IMMP2L: variants seen among roughly 807,000 people sequenced by gnomAD.
IMMP2L encodes the protein inner mitochondrial membrane peptidase subunit 2.
A neutral mutation model predicts 19.3 loss-of-function variants in IMMP2L; 18 were observed. That is an observed-to-expected ratio of 0.93 (90% confidence interval 0.64 to 1.38). The LOEUF is 1.38. Ranked by LOEUF, IMMP2L falls within the 40% of genes most tolerant of loss-of-function variation. The pLI is 0.00. For synonymous variants in IMMP2L, 76 were observed against 73.0 expected, an observed-to-expected ratio of 1.04 and a Z score of -0.21; for missense variants, 233 against 218.2, an observed-to-expected ratio of 1.07 and a Z score of -0.43.
Position 111,392,136 on chromosome 7 carries a change from C to G in IMMP2L, c.239+95102G>C, listed in dbSNP as rs11983667. On this transcript the variant is annotated intron_variant, in intron 3 of 5. Coordinates refer to ENST00000405709, the MANE Select transcript of IMMP2L (RefSeq NM_032549.4). ...GCGACCCAAGGAGGACCTCAGACAACAACATACTTTTAGCCCCAAAGTCAC... is the reference window on the plus strand; with the variant it reads ...GCGACCCAAGGAGGACCTCAGACAAGAACATACTTTTAGCCCCAAAGTCAC... 7.6e-3 allele frequency: 4,677 copies of G among 613,176 alleles called. 165 individuals are homozygous for G. In the African/African-American group the frequency reaches 0.077, roughly 10 times the overall value. The allele number at this position is 613,176 out of a possible 1,614,324, so 38.0% of individuals were successfully genotyped here. A position where few individuals can be genotyped will look rare whatever the true frequency, so the allele number is the denominator to read the frequency against.
At chr7:111,108,521 T>G (rs1234735098) in intron 3 of IMMP2L, among the ~76,000 whole-genome samples, 2 of 152,136 alleles carry the variant, frequency 1.3e-5, no homozygotes, top group Admixed American at 1.3e-4. Context: ...AAAAAAGATA[T>G]ACGAACAAAA....
Position 110,928,078 on chromosome 7 carries a change from C to T in IMMP2L, c.305+35422G>A, listed in dbSNP as rs1227126239. On this transcript the variant is annotated intron_variant, in intron 4 of 5. Coordinates refer to ENST00000405709, the MANE Select transcript of IMMP2L (RefSeq NM_032549.4). ...AAGATTAGCTAAAACAATATATATG[C>T]CATGAACTACCAGAACGAATGAAGT... Among the ~76,000 whole-genome samples the T allele has an allele frequency of 3.3e-5, 5 of 151,752 alleles. No homozygotes were observed. In the East Asian group the frequency reaches 7.7e-4, roughly 23 times the overall value.
chr7:111,487,589 T>C (rs1842761856), intron 2 of IMMP2L, among the ~76,000 whole-genome samples: 1 of 152,152 alleles, frequency 6.6e-6, no homozygotes, highest in African/African-American at 2.4e-5. Context: ...GACATTAAAA[T>C]CTTTAGTAAA....
intron 3 of IMMP2L, among the ~76,000 whole-genome samples, chr7:111,016,812 TATATTA>T (rs1563162986): frequency 0.087 from 7,385 of 85,280 alleles, 499 homozygotes; most frequent in East Asian, 0.29. Flanking sequence ...ATATATACTA[TATATTA>T]TATATAATAT....
At chr7:111,358,455 C>A (rs1828932044) in intron 3 of IMMP2L, among the ~76,000 whole-genome samples, 1 of 151,878 alleles carries the variant, frequency 6.6e-6, no homozygotes, top group Non-Finnish European at 1.5e-5. Context: ...ATCACATTAT[C>A]TTGTGATTAT....
chr7:111,047,994 C>T (rs1238242991), intron 3 of IMMP2L, among the ~76,000 whole-genome samples: 1 of 151,978 alleles, frequency 6.6e-6, no homozygotes, highest in Admixed American at 6.6e-5. Context: ...AATCCCAGCA[C>T]TTTGGGAGGC....
intron 5 of IMMP2L, among the ~76,000 whole-genome samples, chr7:110,716,107 C>T (rs1795219266): frequency 6.6e-6 from 1 of 151,488 alleles, no homozygotes; most frequent in Non-Finnish European, 1.5e-5. Flanking sequence ...TTTCCATTTG[C>T]ATGACAGATC....
intron 3 of IMMP2L, among the ~76,000 whole-genome samples, chr7:111,484,419 AG>A (rs1398261197): frequency 1.3e-5 from 2 of 152,178 alleles, no homozygotes; most frequent in East Asian, 3.9e-4. Flanking sequence ...TAATATAAAA[AG>A]GTTATACTGG....
chr7:111,152,333 A>G (rs1804171297), intron 3 of IMMP2L, among the ~76,000 whole-genome samples: 1 of 152,054 alleles, frequency 6.6e-6, no homozygotes, highest in East Asian at 1.9e-4. Context: ...TATTTAAACC[A>G]CCTTGCCTCT....
intron 3 of IMMP2L, among the ~76,000 whole-genome samples, chr7:111,466,643 A>C (rs149223856): frequency 5.3e-5 from 8 of 152,280 alleles, no homozygotes; most frequent in Non-Finnish European, 1.2e-4. Context: ...CATCAGAAAT[A>C]ACTAGATCTC....
intron 4 of IMMP2L, among the ~76,000 whole-genome samples, chr7:110,889,118 T>C (rs1157601425): frequency 1.3e-5 from 2 of 152,290 alleles, no homozygotes; most frequent in African/African-American, 2.4e-5. Flanking sequence ...GGACAAGACA[T>C]ACCCTAACTC....
chr7:111,265,923 G>A (rs999047770), intron 3 of IMMP2L, among the ~76,000 whole-genome samples: 1 of 152,172 alleles, frequency 6.6e-6, no homozygotes, highest in African/African-American at 2.4e-5. Flanking sequence ...CTGGGTTAAT[G>A]ACTGATTACC....
chr7:111,513,438 T>A (rs557722405), intron 2 of IMMP2L, among the ~76,000 whole-genome samples: 1 of 152,226 alleles, frequency 6.6e-6, no homozygotes, highest in African/African-American at 2.4e-5. Flanking sequence ...AGGAAGGCTA[T>A]TATCAGAAAT....
rs77680935 is a variant in IMMP2L at position 110,769,644 on chromosome 7, G to A, written c.409-105923C>T. Among the ~76,000 whole-genome samples the A allele has an allele frequency of 6.7e-3, 1,025 of 152,212 alleles. 15 individuals carry two copies. The highest frequency in any genetic ancestry group is 0.023 in the African/African-American group (950 of 41,540). Reference sequence around the variant, plus strand: ...CAACTGAGAATTATAAGCTGTCTATGGGTGTCATTTATCCATGCTATTCTG... The same window carrying A: ...CAACTGAGAATTATAAGCTGTCTATAGGTGTCATTTATCCATGCTATTCTG... On this transcript the variant is annotated intron_variant, in intron 5 of 5. Coordinates refer to ENST00000405709, the MANE Select transcript of IMMP2L (RefSeq NM_032549.4).
At chr7:110,922,284 A>C (rs1056763224) in intron 4 of IMMP2L, among the ~76,000 whole-genome samples, 19 of 152,190 alleles carry the variant, frequency 1.2e-4, no homozygotes, top group Admixed American at 6.5e-5. Context: ...CATCAGGCTT[A>C]AGTGCAATTC....
intron 4 of IMMP2L, among the ~76,000 whole-genome samples, chr7:110,920,126 G>A (rs181645273): frequency 1.3e-5 from 2 of 152,204 alleles, no homozygotes; most frequent in East Asian, 3.9e-4. Context: ...CTACTTTTGA[G>A]GTTTTCGGAC....
At chr7:110,755,491 G>A (rs1464476779) in intron 5 of IMMP2L, among the ~76,000 whole-genome samples, 1 of 152,078 alleles carries the variant, frequency 6.6e-6, no homozygotes, top group Non-Finnish European at 1.5e-5. Flanking sequence ...TGCATATTGT[G>A]TGATAGCCAC....
chr7:111,012,510 T>C (rs1039521101), intron 3 of IMMP2L, among the ~76,000 whole-genome samples: 2 of 152,176 alleles, frequency 1.3e-5, no homozygotes, highest in Admixed American at 1.3e-4. Context: ...TATTTATATA[T>C]GATATTAACA....
intron 3 of IMMP2L, among the ~76,000 whole-genome samples, chr7:111,352,245 C>A (rs907701428): frequency 2.0e-5 from 3 of 151,714 alleles, no homozygotes; most frequent in African/African-American, 4.8e-5. Context: ...AAACATAGTA[C>A]AAAGATGACA....
Sources: gnomAD v4.1 joint callset for allele counts (sites outside exome capture counted in the v4.1 genomes callset) on GRCh38, gnomAD v4.1.1 for gene constraint, MANE v1.5 for transcripts, NCBI Gene and HGNC (gene_info 2026-07-23, HGNC 2026-07-21) for gene names.